STAC: variants seen among roughly 807,000 people sequenced by gnomAD.
STAC encodes SH3 and cysteine-rich domain-containing protein.
Under a neutral mutation model 48.8 loss-of-function variants are expected in STAC, and 43 were observed. The ratio of observed to expected loss-of-function variants is 0.88; its 90% confidence interval spans 0.69 to 1.14. STAC has a LOEUF of 1.14. STAC is among the 50% of genes most tolerant of loss of function. The probability of loss-of-function intolerance (pLI) is 0.00; values close to 1 mark genes in which losing one functional copy is unlikely to be tolerated. For missense variants in STAC, 497 were observed against 504.0 expected (o/e 0.99, Z 0.13); for synonymous variants, 193 against 179.5 (o/e 1.07, Z -0.60).
Position 36,493,204 on chromosome 3 carries a change from T to C in STAC, c.741T>C (p.Tyr247=). Residue 247 remains tyrosine, a synonymous_variant, in exon 6 of 11, where the codon TAT becomes TAC. Coordinates refer to ENST00000273183, the MANE Select transcript of STAC (RefSeq NM_003149.3). The part of the protein sequence containing the change: ...PEEANGPGGG[Y]DLRKRSNSVF... ...AAGCCAATGGGCCAGGAGGCGGGTA[T>C]GACCTAAGGAAACGCAGCAACAGCG... is the stretch of plus-strand genomic sequence containing the variant. The C allele has an allele frequency of 6.2e-7, 1 of 1,613,602 alleles. No homozygotes were observed. Among genetic ancestry groups the C allele is most frequent in the African/African-American group, 1.3e-5 (1 of 75,018 alleles).
At chr3:36,381,200 G>A (rs1339000268) in intron 1 of STAC, among the ~76,000 whole-genome samples, 1 of 151,998 alleles carries the variant, frequency 6.6e-6, no homozygotes, top group Non-Finnish European at 1.5e-5. Flanking sequence ...TGCTTAACAG[G>A]GATCACCCCT....
intron 6 of STAC, among the ~76,000 whole-genome samples, chr3:36,495,561 T>C (rs1402741449): frequency 6.6e-6 from 1 of 152,274 alleles, no homozygotes; most frequent in African/African-American, 2.4e-5. Flanking sequence ...CTCAAAATTA[T>C]GCCCAGCATG....
chr3:36,477,119 T>G (rs1697513746), intron 2 of STAC, among the ~76,000 whole-genome samples: 1 of 152,210 alleles, frequency 6.6e-6, no homozygotes, highest in Non-Finnish European at 1.5e-5. Flanking sequence ...TAAATCATAG[T>G]AAAGAGTCTT....
intron 1 of STAC, among the ~76,000 whole-genome samples, chr3:36,407,677 A>T (rs984497158): frequency 6.6e-6 from 1 of 152,238 alleles, no homozygotes; most frequent in African/African-American, 2.4e-5. Context: ...TCAGTGGTTT[A>T]GCACAAAGAA....
In STAC at chr3:36,426,775, T is replaced by TC. The variant is rs567433295; in HGVS notation, c.112-16588dup. 1.3e-4 allele frequency among the ~76,000 whole-genome samples: 20 copies of TC among 152,354 alleles called. No homozygotes were observed. In the South Asian group the frequency reaches 3.9e-3, roughly 30 times the overall value. ...CACTAGTTTATTAAGTGGGCTGAAC[T>TC]CAGAAGGTTACCCTCAGCTATTAGC... On this transcript the variant is annotated intron_variant, in intron 1 of 10. Coordinates refer to ENST00000273183, the MANE Select transcript of STAC (RefSeq NM_003149.3).
At chr3:36,520,944 C>T (rs1166449673) in intron 8 of STAC, among the ~76,000 whole-genome samples, 1 of 152,116 alleles carries the variant, frequency 6.6e-6, no homozygotes, top group Non-Finnish European at 1.5e-5. Flanking sequence ...TCGTGGATAT[C>T]AGGCTTAAGA....
chr3:36,512,371 G>A (rs1421011339), intron 8 of STAC, among the ~76,000 whole-genome samples: 3 of 152,128 alleles, frequency 2.0e-5, no homozygotes, highest in Non-Finnish European at 4.4e-5. Flanking sequence ...TTAACTATCT[G>A]CTGATGAAGA....
At chr3:36,399,935 G>A (rs1699967167) in intron 1 of STAC, among the ~76,000 whole-genome samples, 1 of 152,206 alleles carries the variant, frequency 6.6e-6, no homozygotes, top group South Asian at 2.1e-4. Flanking sequence ...AGGCACTCAT[G>A]TGCAAGTGCT....
At position 36,437,931 on chromosome 3, in the gene STAC, G is replaced by A. The variant is rs1696196157; in HGVS notation, c.112-5433G>A. On this transcript the variant is annotated intron_variant, in intron 1 of 10. Transcript: ENST00000273183. The stretch of plus-strand genomic sequence containing the variant: ...GAGCAGTACCCATGATATTCATTGA[G>A]TTATTATTATTATTATTATTATTAT... Among the ~76,000 whole-genome samples the A allele has an allele frequency of 2.1e-5, 3 of 140,576 alleles. No individual in the cohort carries two copies. The East Asian group carries it at 6.2e-4, about 29-fold the overall frequency. 92.2% of individuals were successfully genotyped at this position (140,576 alleles called of 152,430 possible).
chr3:36,498,431 A>T (rs1203852971), intron 6 of STAC, among the ~76,000 whole-genome samples: 2 of 152,212 alleles, frequency 1.3e-5, no homozygotes, highest in African/African-American at 4.8e-5. Flanking sequence ...TCCAACATGC[A>T]TCTAAGTGAC....
In STAC at chr3:36,528,615, G is replaced by T. The variant is rs955271894; in HGVS notation, c.921-81G>T. The T allele has an allele frequency of 3.5e-6, 4 of 1,137,014 alleles. No homozygotes were observed. In the African/African-American group the frequency reaches 6.3e-5, roughly 18 times the overall value. The allele number at this position is 1,137,014 out of a possible 1,614,324, so 70.4% of individuals were successfully genotyped here. ...TTCTTTTAAGACTATTTGTGTAAAT[G>T]AGAAATGATTACTCCTGACTTTAAA... On this transcript the variant is annotated intron_variant, in intron 8 of 10. Transcript: ENST00000273183.
intron 2 of STAC, among the ~76,000 whole-genome samples, chr3:36,459,787 G>A (rs1236428625): frequency 6.6e-6 from 1 of 152,182 alleles, no homozygotes; most frequent in East Asian, 1.9e-4. Context: ...GCTAGTTGAT[G>A]AAAGAGGGGG....
intron 2 of STAC, among the ~76,000 whole-genome samples, chr3:36,464,422 CT>C (rs530824937): frequency 1.4e-3 from 164 of 121,466 alleles, no homozygotes; most frequent in African/African-American, 5.5e-3. Flanking sequence ...GACATTAGCA[CT>C]TTGTCAGATT....
chr3:36,466,831 C>T (rs2125688259), intron 2 of STAC, among the ~76,000 whole-genome samples: 1 of 151,764 alleles, frequency 6.6e-6, no homozygotes, highest in East Asian at 1.9e-4. Flanking sequence ...ATTTGGATGC[C>T]CTTTATTTCT....
At chr3:36,410,931 T>C (rs73830313) in intron 1 of STAC, among the ~76,000 whole-genome samples, 3,530 of 152,312 alleles carry the variant, frequency 0.023, 56 homozygotes, top group Non-Finnish European at 0.026. Context: ...ACTCTCTTTA[T>C]ACCAGATCTT....
At chr3:36,475,870 G>A (rs969519792) in intron 2 of STAC, among the ~76,000 whole-genome samples, 1 of 152,236 alleles carries the variant, frequency 6.6e-6, no homozygotes. Flanking sequence ...TCCTAGGTCA[G>A]GCAGGAGTCT....
At chr3:36,383,440 T>C (rs970912246) in intron 1 of STAC, among the ~76,000 whole-genome samples, 3 of 152,168 alleles carry the variant, frequency 2.0e-5, no homozygotes, top group African/African-American at 7.2e-5. Context: ...ATGGACAGTA[T>C]TGTTTTATGT....
chr3:36,480,824 G>A (rs886165199), intron 2 of STAC, among the ~76,000 whole-genome samples: 1 of 152,158 alleles, frequency 6.6e-6, no homozygotes, highest in African/African-American at 2.4e-5. Context: ...GAGTGACCAT[G>A]AAAAATGTTT....
At chr3:36,486,716 C>T (rs1697826775) in intron 5 of STAC, among the ~76,000 whole-genome samples, 1 of 152,176 alleles carries the variant, frequency 6.6e-6, no homozygotes, top group African/African-American at 2.4e-5. Context: ...CACACAAAAA[C>T]TGCACTCTCA....
Sources: allele counts gnomAD v4.1 joint callset (sites outside exome capture counted in the v4.1 genomes callset), GRCh38; gene constraint gnomAD v4.1.1; transcripts MANE v1.5; gene names NCBI Gene and HGNC (gene_info 2026-07-23, HGNC 2026-07-21).